The following CDC37L1 variants were observed in gnomAD, a reference collection of about 807,000 sequenced individuals.
CDC37L1 encodes the protein cell division cycle 37 like 1, HSP90 cochaperone.
CDC37L1 carries 32 observed loss-of-function variants against 45.9 expected under a neutral mutation model. The ratio of observed to expected loss-of-function variants is 0.70; its 90% CI spans 0.53 to 0.94. CDC37L1 has a LOEUF of 0.94. CDC37L1 is among the 40% of genes least tolerant of loss of function. The probability of loss-of-function intolerance (pLI) is 0.00; values close to 1 mark genes in which losing one functional copy is unlikely to be tolerated. For missense variants in CDC37L1, 434 were observed against 405.7 expected (o/e 1.07, Z -0.60); for synonymous variants, 150 against 133.0 (o/e 1.13, Z -0.88).
rs1841403329 is a variant in CDC37L1 at position 4,702,064 on chromosome 9, TATTA to T, written c.912+40_912+43del. The T allele has an allele frequency of 1.2e-5, 13 of 1,126,910 alleles. No homozygotes were observed. The Middle Eastern group carries it at 6.9e-4, about 60-fold the overall frequency. The allele number at this position is 1,126,910 out of a possible 1,614,324, so 69.8% of individuals were successfully genotyped here. ...AAAGTAAATATTTGTTTTATAAGCC[TATTA>T]ATTCACATAATTTTTGTTATTTTGC... On this transcript the variant is annotated intron_variant, in intron 6 of 6. Transcript: ENST00000381854.
At chr9:4,700,029 C>A (rs1841382816) in intron 5 of CDC37L1, among the ~76,000 whole-genome samples, 1 of 151,890 alleles carries the variant, frequency 6.6e-6, no homozygotes, top group South Asian at 2.1e-4. Context: ...TGGCAGTAGT[C>A]CTAACTTAAA....
At chr9:4,698,145 A>C (rs569313268) in intron 5 of CDC37L1, among the ~76,000 whole-genome samples, 2 of 152,202 alleles carry the variant, frequency 1.3e-5, no homozygotes, top group Non-Finnish European at 2.9e-5. Context: ...TTCCATCATT[A>C]ATTCATTCAG....
chr9:4,691,905 A>T (rs1256252442), intron 3 of CDC37L1, among the ~76,000 whole-genome samples: 8 of 152,148 alleles, frequency 5.3e-5, no homozygotes, highest in African/African-American at 1.9e-4. Flanking sequence ...AAATTTCACA[A>T]CCGTTATATT....
chr9:4,706,272 T>C lies in CDC37L1; in HGVS notation c.*160T>C, dbSNP rs1038920924. The stretch of plus-strand genomic sequence containing the variant: ...GTTTTGTAAATTTTTTTTAATGTGC[T>C]GCTAGGTTTTTTGTTTTGTTTTGTT... On this transcript the variant is annotated 3_prime_UTR_variant, in exon 7 of 7. Coordinates refer to ENST00000381854, the MANE Select transcript of CDC37L1 (RefSeq NM_017913.4). The C allele has an allele frequency of 1.3e-5, 6 of 450,304 alleles. No individual in the cohort carries two copies. The highest frequency in any genetic ancestry group is 2.4e-5 in the Non-Finnish European group (6 of 244,952). The allele number at this position is 450,304 out of a possible 1,614,324, so 27.9% of individuals were successfully genotyped here. A position where few individuals can be genotyped will look rare whatever the true frequency, so the allele number is the denominator to read the frequency against.
Position 4,692,015 on chromosome 9 carries a change from A to G in CDC37L1, c.508+3409A>G, listed in dbSNP as rs147605572. ...AGCACATCATCTTCACTTTCAGCCA[A>G]AGTTAGCTGTGATTCAGCTTTTTTT... On this transcript the variant is annotated intron_variant, in intron 3 of 6. Coordinates refer to ENST00000381854, the MANE Select transcript of CDC37L1 (RefSeq NM_017913.4). Among the ~76,000 whole-genome samples, 913 of 152,188 alleles carry G rather than the reference A, an allele frequency of 6.0e-3. 12 individuals are homozygous for G. Among genetic ancestry groups the G allele is most frequent in the African/African-American group, 0.021 (870 of 41,508 alleles).
chr9:4,693,150 A>G (rs1841316576), intron 3 of CDC37L1, among the ~76,000 whole-genome samples: 2 of 152,100 alleles, frequency 1.3e-5, no homozygotes, highest in African/African-American at 4.8e-5. Context: ...TTGTTAAAAT[A>G]TATCATTCTA....
intron 1 of CDC37L1, among the ~76,000 whole-genome samples, chr9:4,684,287 T>A (rs1012715698): frequency 2.0e-5 from 3 of 151,370 alleles, no homozygotes; most frequent in Non-Finnish European, 4.4e-5. Flanking sequence ...CATCACAAAA[T>A]ATATATATAT....
intron 6 of CDC37L1, chr9:4,702,983 G>T: frequency 8.5e-7 from 1 of 1,173,262 alleles, no homozygotes. Flanking sequence ...TGGTCTGCCT[G>T]ATGCTAGTTA....
intron 1 of CDC37L1, among the ~76,000 whole-genome samples, chr9:4,683,159 A>G (rs987688469): frequency 3.4e-5 from 5 of 146,754 alleles, no homozygotes; most frequent in African/African-American, 1.2e-4. Flanking sequence ...ATTATAAAAT[A>G]TACTTAGGGA....
At chr9:4,681,470 C>T (rs1841192952) in intron 1 of CDC37L1, among the ~76,000 whole-genome samples, 1 of 152,068 alleles carries the variant, frequency 6.6e-6, no homozygotes, top group Admixed American at 6.6e-5. Flanking sequence ...CATGGAGAAA[C>T]CCTGTCTCTA....
chr9:4,679,911 C>A lies in CDC37L1; in HGVS notation c.132+12C>A, dbSNP rs763145533. ...GCGGCGGCGCCCAGGTGAGAAGGGG[C>A]CTGCGTTCTGCGGAGGGATGGAGTG... On this transcript the variant is annotated intron_variant, in intron 1 of 6. Coordinates refer to ENST00000381854, the MANE Select transcript of CDC37L1 (RefSeq NM_017913.4). The A allele has an allele frequency of 1.2e-6, 2 of 1,613,364 alleles. No individual in the cohort carries two copies. The highest frequency in any genetic ancestry group is 2.2e-5 in the South Asian group (2 of 91,036).
chr9:4,693,245 C>T (rs1841317256), intron 3 of CDC37L1, among the ~76,000 whole-genome samples: 1 of 150,102 alleles, frequency 6.7e-6, no homozygotes, highest in African/African-American at 2.5e-5. Context: ...GATTCAAGAC[C>T]AGCCTGGGCA....
intron 1 of CDC37L1, 148 bp downstream of exon 1, chr9:4,680,047 C>A: frequency 1.0e-6 from 1 of 981,038 alleles, no homozygotes; most frequent in Non-Finnish European, 1.5e-6. Context: ...ACGCCTGATG[C>A]CATCCCACCC....
At chr9:4,704,529 G>T (rs1260297136) in intron 6 of CDC37L1, among the ~76,000 whole-genome samples, 1 of 152,150 alleles carries the variant, frequency 6.6e-6, no homozygotes, top group African/African-American at 2.4e-5. Flanking sequence ...AATCTCCTCA[G>T]CCAATTCTGT....
rs74726546 is a variant in CDC37L1 at position 4,694,975 on chromosome 9, T to G, written c.509-2121T>G. Among the ~76,000 whole-genome samples, 159 of 152,274 alleles carry G rather than the reference T, an allele frequency of 1.0e-3. 1 individual carries two copies. The highest frequency in any genetic ancestry group is 3.7e-3 in the African/African-American group (155 of 41,562). ...TTCCTGCAAAATAAACCAGAATGGA[T>G]AAGGCTTTTGGTATTTCAGTAAGTC... On this transcript the variant is annotated intron_variant, in intron 3 of 6. Coordinates refer to ENST00000381854, the MANE Select transcript of CDC37L1 (RefSeq NM_017913.4).
chr9:4,697,090 T>C lies in CDC37L1; in HGVS notation c.509-6T>C. 1 of 1,302,066 alleles carries C rather than the reference T, an allele frequency of 7.7e-7. No individual in the cohort carries two copies. Among genetic ancestry groups the C allele is most frequent in the Non-Finnish European group, 1.1e-6 (1 of 909,526 alleles). 80.7% of individuals were successfully genotyped at this position (1,302,066 alleles called of 1,614,324 possible). On this transcript the variant is annotated splice_polypyrimidine_tract_variant and splice_region_variant and intron_variant, in intron 3 of 6. Transcript: ENST00000381854. The stretch of plus-strand genomic sequence containing the variant: ...GACACTTATGGTTCAATTCTTTTTT[T>C]TACAGGTATGTTGAGTCGATGGGAT...
At chr9:4,680,265 C>T (rs1004231826) in intron 1 of CDC37L1, among the ~76,000 whole-genome samples, 6 of 152,186 alleles carry the variant, frequency 3.9e-5, no homozygotes, top group Admixed American at 1.3e-4. Flanking sequence ...TCCCCAAGCA[C>T]TTTATTCTGT....
At chr9:4,700,879 A>T (rs1841390001) in intron 5 of CDC37L1, among the ~76,000 whole-genome samples, 2 of 152,206 alleles carry the variant, frequency 1.3e-5, no homozygotes, top group African/African-American at 4.8e-5. Context: ...CCTAAACCTT[A>T]AGCATGCAAT....
chr9:4,695,444 C>T lies in CDC37L1; in HGVS notation c.509-1652C>T, dbSNP rs142166214. Reference sequence around the variant, plus strand: ...TATGTCCAAAGCGTTGGGGAAATAACTTTATAAAGCTTAGAATACTCTATG... The same window carrying T: ...TATGTCCAAAGCGTTGGGGAAATAATTTTATAAAGCTTAGAATACTCTATG... On this transcript the variant is annotated intron_variant, in intron 3 of 6. Coordinates refer to ENST00000381854, the MANE Select transcript of CDC37L1 (RefSeq NM_017913.4). Among the ~76,000 whole-genome samples, 4 of 152,300 alleles carry T rather than the reference C, an allele frequency of 2.6e-5. 1 individual carries two copies. In the East Asian group the frequency reaches 5.8e-4, roughly 22 times the overall value.
Sources: allele counts gnomAD v4.1 joint callset (sites outside exome capture counted in the v4.1 genomes callset), GRCh38; gene constraint gnomAD v4.1.1; transcripts MANE v1.5; gene names NCBI Gene and HGNC (gene_info 2026-07-23, HGNC 2026-07-21).